Variants in FAM53B observed in about 807,000 individuals in gnomAD.
FAM53B encodes protein FAM53B.
In FAM53B, 12 loss-of-function variants were observed where a neutral mutation model predicts 32.7. The ratio of observed to expected loss-of-function variants is 0.37; its 90% confidence interval spans 0.24 to 0.59. The LOEUF is 0.59. Ranked by LOEUF, FAM53B falls within the 20% of genes least tolerant of loss-of-function variation. The probability of loss-of-function intolerance (pLI) is 0.72; values close to 1 mark genes in which losing one functional copy is unlikely to be tolerated. For missense variants in FAM53B, 477 were observed against 577.7 expected (o/e 0.83, Z 1.79); for synonymous variants, 234 against 228.7 (o/e 1.02, Z -0.21).
intron 4 of FAM53B, among the ~76,000 whole-genome samples, chr10:124,679,874 G>C (rs1410319994): frequency 6.6e-6 from 1 of 152,214 alleles, no homozygotes; most frequent in Non-Finnish European, 1.5e-5. Context: ...TGATGCCAGT[G>C]GTGTTATTCC....
intron 2 of FAM53B, among the ~76,000 whole-genome samples, chr10:124,701,512 C>A (rs1056397301): frequency 6.6e-6 from 1 of 152,224 alleles, no homozygotes; most frequent in Non-Finnish European, 1.5e-5. Context: ...GAAGAGCGGG[C>A]CTGGCCAAGG....
intron 3 of FAM53B, among the ~76,000 whole-genome samples, chr10:124,689,123 G>T (rs556162622): frequency 1.8e-4 from 27 of 152,182 alleles, no homozygotes; most frequent in Non-Finnish European, 3.4e-4. Context: ...TGTAGGTTGG[G>T]TTGTGCTAAC....
chr10:124,681,101 CA>C (rs1358993762), intron 4 of FAM53B, among the ~76,000 whole-genome samples: 1 of 152,212 alleles, frequency 6.6e-6, no homozygotes, highest in Non-Finnish European at 1.5e-5. Flanking sequence ...TTGATCACAA[CA>C]TCCTGATGGC....
chr10:124,741,423 C>A (rs1013019113), intron 1 of FAM53B, among the ~76,000 whole-genome samples: 13 of 152,196 alleles, frequency 8.5e-5, no homozygotes, highest in Non-Finnish European at 1.5e-5. Flanking sequence ...AGGCATCGAG[C>A]GGTGGGTGAG....
At chr10:124,687,578 T>C (rs978470000) in intron 3 of FAM53B, among the ~76,000 whole-genome samples, 16 of 152,304 alleles carry the variant, frequency 1.1e-4, no homozygotes, top group African/African-American at 3.6e-4. Flanking sequence ...CAGCCAGAGC[T>C]GCAACAGGGT....
At chr10:124,630,632 G>A (rs1204915671) in intron 4 of FAM53B, among the ~76,000 whole-genome samples, 1 of 152,170 alleles carries the variant, frequency 6.6e-6, no homozygotes, top group Non-Finnish European at 1.5e-5. Context: ...GGTACTCCAG[G>A]GCCCTGGAAG....
intron 4 of FAM53B, among the ~76,000 whole-genome samples, 185 bp downstream of exon 4, chr10:124,681,416 TAAATAG>T (rs1396674427): frequency 6.6e-6 from 1 of 152,158 alleles, no homozygotes; most frequent in Non-Finnish European, 1.5e-5. Flanking sequence ...TATTTGCTTG[TAAATAG>T]AAATAAACGC....
chr10:124,690,165 C>A (rs1307869979), intron 3 of FAM53B, among the ~76,000 whole-genome samples: 2 of 152,216 alleles, frequency 1.3e-5, no homozygotes, highest in African/African-American at 4.8e-5. Flanking sequence ...GAGCTTTTCA[C>A]GAAACTGTCA....
At chr10:124,643,827 C>G (rs1949493484) in intron 4 of FAM53B, among the ~76,000 whole-genome samples, 1 of 152,186 alleles carries the variant, frequency 6.6e-6, no homozygotes, top group African/African-American at 2.4e-5. Context: ...CTGGAGCGGC[C>G]AGCAGGCTAG....
chr10:124,712,961 C>T (rs1258128333), intron 1 of FAM53B, among the ~76,000 whole-genome samples: 2 of 152,256 alleles, frequency 1.3e-5, no homozygotes, highest in African/African-American at 4.8e-5. Context: ...TGCCCAAGAA[C>T]GGCCCCAAAC....
At chr10:124,718,952 T>C (rs891012344) in intron 1 of FAM53B, among the ~76,000 whole-genome samples, 6 of 151,504 alleles carry the variant, frequency 4.0e-5, no homozygotes, top group African/African-American at 7.3e-5. Context: ...GGAGGCTGAG[T>C]AGGGAGCCAG....
intron 4 of FAM53B, among the ~76,000 whole-genome samples, chr10:124,630,012 G>A (rs920331232): frequency 2.0e-5 from 3 of 152,212 alleles, no homozygotes; most frequent in Non-Finnish European, 4.4e-5. Context: ...CCCAGGCTCT[G>A]CAGGGCCCTT....
At chr10:124,724,186 G>T (rs1337418375) in intron 1 of FAM53B, among the ~76,000 whole-genome samples, 4 of 152,222 alleles carry the variant, frequency 2.6e-5, no homozygotes, top group African/African-American at 9.7e-5. Context: ...TAGAGGAAGC[G>T]GCATGAGTGT....
intron 3 of FAM53B, among the ~76,000 whole-genome samples, chr10:124,689,628 C>T (rs927988827): frequency 6.6e-6 from 1 of 152,248 alleles, no homozygotes; most frequent in African/African-American, 2.4e-5. Flanking sequence ...GCAGGCGGGT[C>T]TGCAGGACTC....
At chr10:124,697,702 G>T (rs545835026) in intron 2 of FAM53B, among the ~76,000 whole-genome samples, 37 of 152,056 alleles carry the variant, frequency 2.4e-4, no homozygotes, top group Non-Finnish European at 5.0e-4. Context: ...CAGCCTCCTG[G>T]GGGGGATGCT....
chr10:124,725,994 C>T (rs1023738399), intron 1 of FAM53B, among the ~76,000 whole-genome samples: 2 of 152,124 alleles, frequency 1.3e-5, no homozygotes, highest in Non-Finnish European at 2.9e-5. Flanking sequence ...GTTCTCCAAG[C>T]GTGGACCCGG....
At chr10:124,636,249 T>A (rs566991319) in intron 4 of FAM53B, among the ~76,000 whole-genome samples, 20 of 152,362 alleles carry the variant, frequency 1.3e-4, no homozygotes, top group Admixed American at 3.3e-4. Flanking sequence ...AAAGTTCTTT[T>A]CTTTCCTTTT....
At chr10:124,737,865 T>C (rs1001051101) in intron 1 of FAM53B, among the ~76,000 whole-genome samples, 2 of 152,146 alleles carry the variant, frequency 1.3e-5, no homozygotes, top group African/African-American at 4.8e-5. Context: ...GCACACGGTA[T>C]GCCAAATCCC....
chr10:124,651,834 C>T lies in FAM53B; in HGVS notation c.907-28230G>A, dbSNP rs1370433821. Among the ~76,000 whole-genome samples the T allele has an allele frequency of 1.3e-5, 2 of 152,218 alleles. No homozygotes were observed. Among genetic ancestry groups the T allele is most frequent in the South Asian group, 4.1e-4 (2 of 4,834 alleles). On this transcript the variant is annotated intron_variant, in intron 4 of 4. Coordinates refer to ENST00000337318, the MANE Select transcript of FAM53B (RefSeq NM_014661.4). This position sits in a 1 kb window ranked among gnomAD's most constrained non-coding sequence, Gnocchi z 5.2. ...ACTATGACTGGGCCTGGAACGTTCA[C>T]GCCAGCCCCAGCGTCAGGACAACTG...
Sources: gnomAD v4.1 joint callset for allele counts (sites outside exome capture counted in the v4.1 genomes callset) on GRCh38, gnomAD v4.1.1 for gene constraint, Gnocchi (gnomAD v3.1) non-coding constraint, MANE v1.5 for transcripts, NCBI Gene and HGNC (gene_info 2026-07-23, HGNC 2026-07-21) for gene names.